Variants in AGBL4 observed in about 807,000 individuals in gnomAD.
AGBL4 encodes AGBL carboxypeptidase 4.
In AGBL4, 58 loss-of-function variants were observed where a neutral mutation model predicts 66.4. The ratio of observed to expected loss-of-function variants is 0.87; its 90% CI spans 0.71 to 1.09. AGBL4 has a LOEUF of 1.09. Ranked by LOEUF, AGBL4 falls within the 50% of genes least tolerant of loss-of-function variation. The pLI is 0.00. For missense variants in AGBL4, 579 were observed against 631.0 expected (o/e 0.92, Z 0.88); for synonymous variants, 234 against 222.9 (o/e 1.05, Z -0.44).
At chr1:49,824,507 A>C (rs1281777109) in intron 2 of AGBL4, among the ~76,000 whole-genome samples, 1 of 152,224 alleles carries the variant, frequency 6.6e-6, no homozygotes, top group Non-Finnish European at 1.5e-5. Flanking sequence ...GATAATGAAA[A>C]GCTTAGAAGC....
Position 49,663,995 on chromosome 1 carries a change from T to C in AGBL4, c.282+33318A>G, listed in dbSNP as rs568999711. ...TATAAGTCATTCCAAGAAAAAAGAG[T>C]AAAATCATTCAAACAAGAGTAGTAA... On this transcript the variant is annotated intron_variant, in intron 3 of 13. Transcript: ENST00000371839. Among the ~76,000 whole-genome samples, 7 of 151,534 alleles carry C rather than the reference T, an allele frequency of 4.6e-5. No homozygotes were observed. The South Asian group carries it at 1.5e-3, about 32-fold the overall frequency.
intron 11 of AGBL4, among the ~76,000 whole-genome samples, chr1:48,581,732 G>T (rs1477801533): frequency 6.6e-6 from 1 of 152,160 alleles, no homozygotes; most frequent in Non-Finnish European, 1.5e-5. Context: ...CTATATGCCC[G>T]GTGATTTATC....
chr1:49,731,455 A>G (rs1176288647), intron 2 of AGBL4, among the ~76,000 whole-genome samples: 1 of 152,240 alleles, frequency 6.6e-6, no homozygotes, highest in African/African-American at 2.4e-5. Context: ...TATACACAGC[A>G]GACGAATAAT....
intron 5 of AGBL4, among the ~76,000 whole-genome samples, chr1:48,930,223 C>G (rs553123043): frequency 4.0e-4 from 60 of 150,110 alleles, no homozygotes; most frequent in Non-Finnish European, 7.6e-4. Context: ...TTAGTTCAGC[C>G]TCCCTTTCAA....
At chr1:49,556,693 C>T (rs1439764340) in intron 3 of AGBL4, among the ~76,000 whole-genome samples, 1 of 152,022 alleles carries the variant, frequency 6.6e-6, no homozygotes, top group Admixed American at 6.6e-5. Flanking sequence ...CCTGCTAGTC[C>T]AGTGCTAGGT....
At chr1:49,302,378 G>A (rs55697829) in intron 3 of AGBL4, among the ~76,000 whole-genome samples, 1 of 151,182 alleles carries the variant, frequency 6.6e-6, no homozygotes, top group Non-Finnish European at 1.5e-5. Flanking sequence ...TCAGCCTCCC[G>A]AGTAGCTGGG....
At chr1:49,703,381 T>A (rs1432146581) in intron 2 of AGBL4, among the ~76,000 whole-genome samples, 1 of 151,978 alleles carries the variant, frequency 6.6e-6, no homozygotes, top group African/African-American at 2.4e-5. Context: ...GCCAATAGAT[T>A]TAATCCAAGA....
chr1:48,789,826 C>A (rs10736387), intron 6 of AGBL4, among the ~76,000 whole-genome samples: 3 of 152,154 alleles, frequency 2.0e-5, no homozygotes, highest in African/African-American at 7.2e-5. Context: ...GAGAGGAACA[C>A]TGTCTTTCCC....
intron 3 of AGBL4, among the ~76,000 whole-genome samples, chr1:49,362,339 T>G (rs958833272): frequency 6.7e-6 from 1 of 149,734 alleles, no homozygotes; most frequent in African/African-American, 2.5e-5. Flanking sequence ...AAGCAAGAAG[T>G]AAGCATCAGT....
intron 1 of AGBL4, among the ~76,000 whole-genome samples, chr1:49,880,058 T>G (rs1473363398): frequency 1.3e-5 from 2 of 151,566 alleles, no homozygotes; most frequent in African/African-American, 4.9e-5. Context: ...AGTTATACAT[T>G]CCTCTAAATT....
chr1:49,155,300 C>T (rs756129502), intron 4 of AGBL4, among the ~76,000 whole-genome samples: 9 of 152,090 alleles, frequency 5.9e-5, no homozygotes, highest in Non-Finnish European at 1.2e-4. Context: ...ACCCTAAAAC[C>T]CAAGCTCTTT....
chr1:49,738,299 C>T (rs905813494), intron 2 of AGBL4, among the ~76,000 whole-genome samples: 6 of 152,206 alleles, frequency 3.9e-5, no homozygotes, highest in African/African-American at 1.4e-4. Flanking sequence ...CACGGAGCCC[C>T]GCTCATTGCT....
chr1:49,511,216 C>G (rs1001359960), intron 3 of AGBL4, among the ~76,000 whole-genome samples: 1 of 151,510 alleles, frequency 6.6e-6, no homozygotes, highest in Non-Finnish European at 1.5e-5. Flanking sequence ...AAATGTCCAA[C>G]AATGATAGAC....
At chr1:49,687,526 C>A (rs1043138182) in intron 3 of AGBL4, among the ~76,000 whole-genome samples, 1 of 152,092 alleles carries the variant, frequency 6.6e-6, no homozygotes, top group African/African-American at 2.4e-5. Flanking sequence ...AATCCCAGCA[C>A]TTTAGGAGGC....
At chr1:49,104,776 A>G (rs911300126) in intron 4 of AGBL4, among the ~76,000 whole-genome samples, 2 of 152,204 alleles carry the variant, frequency 1.3e-5, no homozygotes, top group African/African-American at 4.8e-5. Flanking sequence ...AGGAGGCACT[A>G]TAGGTCTGAG....
chr1:49,827,069 G>T (rs1557485988), intron 2 of AGBL4, among the ~76,000 whole-genome samples: 1 of 152,092 alleles, frequency 6.6e-6, no homozygotes, highest in East Asian at 1.9e-4. Flanking sequence ...AAATGAAAAT[G>T]CATACATGAG....
chr1:48,892,309 A>G (rs921418720), intron 5 of AGBL4, among the ~76,000 whole-genome samples: 6 of 152,218 alleles, frequency 3.9e-5, no homozygotes, highest in African/African-American at 1.4e-4. Context: ...ACCCGAATCC[A>G]GTGTAATCAC....
chr1:48,700,200 G>C (rs1028363921), intron 6 of AGBL4, among the ~76,000 whole-genome samples: 25 of 152,116 alleles, frequency 1.6e-4, no homozygotes, highest in African/African-American at 6.0e-4. Flanking sequence ...TTGCTCATAG[G>C]TTCCCTCCAT....
At chr1:48,864,483 C>T (rs1352552851) in intron 6 of AGBL4, among the ~76,000 whole-genome samples, 1 of 152,144 alleles carries the variant, frequency 6.6e-6, no homozygotes, top group Non-Finnish European at 1.5e-5. Context: ...CTCTAAGCAG[C>T]ATTATTTGCA....
Sources: gnomAD v4.1 joint callset for allele counts (sites outside exome capture counted in the v4.1 genomes callset) on GRCh38, gnomAD v4.1.1 for gene constraint, MANE v1.5 for transcripts, NCBI Gene and HGNC (gene_info 2026-07-23, HGNC 2026-07-21) for gene names.